MS4A2: variants seen among roughly 807,000 people sequenced by gnomAD.
MS4A2 encodes the protein high affinity immunoglobulin epsilon receptor subunit beta.
MS4A2 carries 26 observed loss-of-function variants against 27.9 expected under a neutral mutation model. The observed-to-expected ratio is 0.93, with a 90% CI of 0.68 to 1.29. The LOEUF (loss-of-function observed/expected upper bound fraction) is 1.29. Ranked by LOEUF, MS4A2 falls within the 50% of genes most tolerant of loss-of-function variation. The pLI is 0.00. For synonymous variants in MS4A2, 110 were observed against 98.8 expected (o/e 1.11, Z -0.67); for missense variants, 284 against 284.6 (o/e 1.00, Z 0.01).
At chr11:60,088,924 A>C (rs948308169) in intron 1 of MS4A2, 103 bp downstream of exon 1, 2 of 1,161,322 alleles carry the variant, frequency 1.7e-6, no homozygotes, top group South Asian at 2.6e-5. Context: ...TTAGGCATGG[A>C]TCCATCTAGT....
At chr11:60,090,734 A>C (rs966173922) in intron 3 of MS4A2, among the ~76,000 whole-genome samples, 8 of 152,346 alleles carry the variant, frequency 5.3e-5, no homozygotes, top group African/African-American at 1.9e-4. Flanking sequence ...GACTTGCCTA[A>C]GGGCCACTTG....
At position 60,095,763 on chromosome 11, in the gene MS4A2, T is replaced by A; in HGVS notation, c.*107T>A. The A allele has an allele frequency of 1.3e-6, 1 of 746,382 alleles. No individual in the cohort carries two copies. The highest frequency in any genetic ancestry group is 2.0e-5 in the Admixed American group (1 of 51,126). The allele number at this position is 746,382 out of a possible 1,614,324, so 46.2% of individuals were successfully genotyped here. The stretch of plus-strand genomic sequence containing the variant: ...TCTATTCTCTCCACAGCCTGCTGGT[T>A]TTACATTAGATTTATTCGCCTGATA... On this transcript the variant is annotated 3_prime_UTR_variant, in exon 7 of 7. Transcript: ENST00000278888.
chr11:60,093,802 TTGTGTGTGTG>T (rs60162275), intron 5 of MS4A2, 152 bp from the exon 6 acceptor site: 117 of 640,434 alleles, frequency 1.8e-4, no homozygotes, highest in Middle Eastern at 7.7e-4. Context: ...GTGCCTGTGT[TTGTGTGTGTG>T]TGTGTGTGTG....
At chr11:60,090,233 G>A in intron 2 of MS4A2, 103 bp from the exon 3 acceptor site, 4 of 1,162,832 alleles carry the variant, frequency 3.4e-6, no homozygotes, top group Non-Finnish European at 5.1e-6. Flanking sequence ...GGACAGTCTA[G>A]GACACTAACG....
chr11:60,098,182 C>T lies in MS4A2; in HGVS notation c.*2526C>T, dbSNP rs1001886812. 3 of 152,188 alleles carry T rather than the reference C, an allele frequency of 2.0e-5. No individual in the cohort carries two copies. Among genetic ancestry groups the T allele is most frequent in the African/African-American group, 7.2e-5 (3 of 41,446 alleles). The allele number at this position is 152,188 out of a possible 1,614,324, so 9.4% of individuals were successfully genotyped here. A position where few individuals can be genotyped will look rare whatever the true frequency, so the allele number is the denominator to read the frequency against. On this transcript the variant is annotated 3_prime_UTR_variant, in exon 7 of 7. Transcript: ENST00000278888. ...TCATTCTGAGAGTTGCCCCACCCTA[C>T]CTGCCTTTTATAGTATGCCCACCTC...
chr11:60,093,576 T>A lies in MS4A2; in HGVS notation c.537+18T>A. 6.2e-7 allele frequency: 1 copy of A among 1,614,064 alleles called. No individual in the cohort carries two copies. Among genetic ancestry groups the A allele is most frequent in the Non-Finnish European group, 8.5e-7 (1 of 1,179,974 alleles). ...TTTCCACTGTATGTATTTTTTTTTG[T>A]GTGGGAAGACTAAGATTCTGGGTCC... On this transcript the variant is annotated intron_variant, in intron 5 of 6. Coordinates refer to ENST00000278888, the MANE Select transcript of MS4A2 (RefSeq NM_000139.5).
At chr11:60,091,257 C>G (rs945483016) in intron 3 of MS4A2, among the ~76,000 whole-genome samples, 2 of 152,158 alleles carry the variant, frequency 1.3e-5, no homozygotes, top group Middle Eastern at 3.2e-3. Flanking sequence ...TGGTGACCTT[C>G]TATGCCCTAG....
rs372731924 is a variant in MS4A2, at chr11:60,095,571, G to C, written c.650G>C (p.Arg217Pro). Residue 217 changes from arginine (R) to proline (P), a missense_variant, in exon 7 of 7, where the codon CGT becomes CCT. Coordinates refer to ENST00000278888, the MANE Select transcript of MS4A2 (RefSeq NM_000139.5). ...ELKGNKVPEDRVYEELNIYSA... is the reference protein window; with the variant it reads ...ELKGNKVPEDPVYEELNIYSA... ...TTCCCTTATCAGGTTCCAGAGGATC[G>C]TGTTTATGAAGAATTAAACATATAT... 2 of 1,608,114 alleles carry C rather than the reference G, an allele frequency of 1.2e-6. No individual in the cohort carries two copies. Among genetic ancestry groups the C allele is most frequent in the Non-Finnish European group, 1.7e-6 (2 of 1,174,522 alleles).
chr11:60,089,709 T>G lies in MS4A2; in HGVS notation c.74T>G (p.Val25Gly), dbSNP rs1855720891. ...QEPSSVPAFEVLEISPQEVSS... is the reference protein window; with the variant it reads ...QEPSSVPAFEGLEISPQEVSS... ...TTTCACAGTGTGCCTGCATTTGAAG[T>G]CTTGGAAATATCTCCCCAGGAAGTA... The change falls in exon 2 of 7, where the codon GTC becomes GGC. Residue 25 changes from valine to glycine, a missense_variant. By Grantham distance (109) the Val-to-Gly change is moderately radical. Transcript: ENST00000278888. 5 of 1,614,168 alleles carry G rather than the reference T, an allele frequency of 3.1e-6. No individual in the cohort carries two copies. Among genetic ancestry groups the G allele is most frequent in the Non-Finnish European group, 4.2e-6 (5 of 1,179,996 alleles).
chr11:60,098,269 T>C lies in MS4A2; in HGVS notation c.*2613T>C, dbSNP rs1480488173. ...CACTATCACTGCCCCAAATTGTCTT[T>C]CTAAATTTCAACTTCAATGTCATCT... On this transcript the variant is annotated 3_prime_UTR_variant, in exon 7 of 7. Transcript: ENST00000278888. The C allele has an allele frequency of 6.6e-6, 1 of 152,214 alleles. No homozygotes were observed. Among genetic ancestry groups the C allele is most frequent in the Non-Finnish European group, 1.5e-5 (1 of 68,056 alleles). 9.4% of individuals were successfully genotyped at this position (152,214 alleles called of 1,614,324 possible). A position where few individuals can be genotyped will look rare whatever the true frequency, so the allele number is the denominator to read the frequency against.
chr11:60,094,618 T>C (rs988273993), intron 6 of MS4A2, among the ~76,000 whole-genome samples: 16 of 152,282 alleles, frequency 1.1e-4, no homozygotes, highest in South Asian at 2.1e-4. Flanking sequence ...ATCTGTCCAC[T>C]TTCCTGAGGC....
chr11:60,097,142 T>C lies in MS4A2; in HGVS notation c.*1486T>C, dbSNP rs1229522439. On this transcript the variant is annotated 3_prime_UTR_variant, in exon 7 of 7. Transcript: ENST00000278888. ...ACACTCTAAGAGAATTATTTTGAGA[T>C]AGAAGTGAAGCTAAGCTAAACTTCA... 1.3e-5 allele frequency: 2 copies of C among 152,110 alleles called. No homozygotes were observed. The highest frequency in any genetic ancestry group is 6.5e-5 in the Admixed American group (1 of 15,272). 9.4% of individuals were successfully genotyped at this position (152,110 alleles called of 1,614,324 possible).
intron 6 of MS4A2, among the ~76,000 whole-genome samples, chr11:60,095,015 A>G (rs1031286084): frequency 1.3e-5 from 2 of 152,054 alleles, no homozygotes; most frequent in Non-Finnish European, 2.9e-5. Context: ...ACTTCCCAGC[A>G]CATTGGGAGG....
Position 60,095,705 on chromosome 11 carries a change from C to T in MS4A2, c.*49C>T. 2.3e-6 allele frequency: 3 copies of T among 1,322,406 alleles called. No homozygotes were observed. Among genetic ancestry groups the T allele is most frequent in the Non-Finnish European group, 2.2e-6 (2 of 914,876 alleles). The allele number at this position is 1,322,406 out of a possible 1,614,324, so 81.9% of individuals were successfully genotyped here. A position where few individuals can be genotyped will look rare whatever the true frequency, so the allele number is the denominator to read the frequency against. ...GATTCACAGCCAAGGATCCAGAAGGCCAAGGTCTTGTTAAGGGGCTACTGG... is the reference window on the plus strand; with the variant it reads ...GATTCACAGCCAAGGATCCAGAAGGTCAAGGTCTTGTTAAGGGGCTACTGG... On this transcript the variant is annotated 3_prime_UTR_variant, in exon 7 of 7. Transcript: ENST00000278888.
chr11:60,092,128 G>A (rs1208200075), intron 3 of MS4A2, among the ~76,000 whole-genome samples: 1 of 151,990 alleles, frequency 6.6e-6, no homozygotes, highest in Admixed American at 6.6e-5. Context: ...TGGTCTAATC[G>A]ATTCATGCCC....
At position 60,088,674 on chromosome 11, in the gene MS4A2, A is replaced by C; in HGVS notation, c.-92A>C. On this transcript the variant is annotated 5_prime_UTR_variant, in exon 1 of 7. Transcript: ENST00000278888. Reference sequence around the variant, plus strand: ...TCAATGTCATGAGGTAACCCATTTCAACTGCCTATTCAGAGCATGCAGTAA... The same window carrying C: ...TCAATGTCATGAGGTAACCCATTTCCACTGCCTATTCAGAGCATGCAGTAA... The C allele has an allele frequency of 6.4e-7, 1 of 1,553,448 alleles. No homozygotes were observed. The highest frequency in any genetic ancestry group is 8.7e-7 in the Non-Finnish European group (1 of 1,147,528).
chr11:60,094,746 C>T (rs1044335329), intron 6 of MS4A2, among the ~76,000 whole-genome samples: 2 of 152,194 alleles, frequency 1.3e-5, no homozygotes, highest in Non-Finnish European at 2.9e-5. Flanking sequence ...GTCAGGAGTT[C>T]AAAACCAGCC....
At chr11:60,089,943 GTAGA>G in intron 2 of MS4A2, 122 bp downstream of exon 2, 1 of 1,298,722 alleles carries the variant, frequency 7.7e-7, no homozygotes, top group East Asian at 2.4e-5. Context: ...AAAAAACATG[GTAGA>G]TAAAGAGTTG....
intron 6 of MS4A2, among the ~76,000 whole-genome samples, chr11:60,094,703 C>T (rs866830818): frequency 1.3e-5 from 2 of 152,224 alleles, no homozygotes; most frequent in Non-Finnish European, 2.9e-5. Context: ...AATCTCAGCA[C>T]TTTGTGAGGC....
Sources: allele counts gnomAD v4.1 joint callset (sites outside exome capture counted in the v4.1 genomes callset), GRCh38; gene constraint gnomAD v4.1.1; transcripts MANE v1.5; gene names NCBI Gene and HGNC (gene_info 2026-07-23, HGNC 2026-07-21).